GALNTL6: variants seen among roughly 807,000 people sequenced by gnomAD.
The protein encoded by GALNTL6 is polypeptide N-acetylgalactosaminyltransferase like 6.
A neutral mutation model predicts 73.7 loss-of-function variants in GALNTL6; 46 were observed. The observed-to-expected ratio is 0.62, with a 90% CI of 0.49 to 0.80. The LOEUF (loss-of-function observed/expected upper bound fraction) is 0.80. Among genes scored for constraint, GALNTL6 ranks in the 30% least tolerant of loss-of-function variants. The probability of loss-of-function intolerance (pLI) is 0.00; values close to 1 mark genes in which losing one functional copy is unlikely to be tolerated. For synonymous variants in GALNTL6, 259 were observed against 263.7 expected (o/e 0.98, Z 0.17); for missense variants, 604 against 755.0 (o/e 0.80, Z 2.34).
At chr4:172,164,550 A>G (rs772831906) in intron 2 of GALNTL6, among the ~76,000 whole-genome samples, 7 of 152,036 alleles carry the variant, frequency 4.6e-5, no homozygotes, top group Admixed American at 1.3e-4. Flanking sequence ...CAAGTTTACT[A>G]TCAAAAGCTA....
intron 2 of GALNTL6, among the ~76,000 whole-genome samples, chr4:172,081,911 C>T (rs1357406719): frequency 1.3e-5 from 2 of 148,718 alleles, no homozygotes; most frequent in Non-Finnish European, 3.0e-5. Context: ...GAGTCTCGCT[C>T]TGTCACTGAG....
intron 2 of GALNTL6, among the ~76,000 whole-genome samples, chr4:172,019,982 A>G (rs900946944): frequency 1.3e-5 from 2 of 152,146 alleles, no homozygotes; most frequent in Non-Finnish European, 2.9e-5. Context: ...TCTGATCATA[A>G]TGTAATAAAA....
intron 4 of GALNTL6, among the ~76,000 whole-genome samples, chr4:172,346,726 C>T (rs333403): frequency 0.11 from 16,087 of 152,132 alleles, 859 homozygotes; most frequent in East Asian, 0.18. Context: ...TGGCCTATAT[C>T]AAACCTTCAG....
intron 5 of GALNTL6, among the ~76,000 whole-genome samples, chr4:172,780,179 A>C (rs1303738011): frequency 6.6e-6 from 1 of 152,122 alleles, no homozygotes; most frequent in Non-Finnish European, 1.5e-5. Context: ...AGAAACATCA[A>C]ATCTTAAAAA....
intron 10 of GALNTL6, among the ~76,000 whole-genome samples, chr4:172,963,581 G>T (rs960262768): frequency 6.6e-6 from 1 of 152,178 alleles, no homozygotes; most frequent in African/African-American, 2.4e-5. Context: ...AATGAAAGAT[G>T]AATGAATGGG....
chr4:173,006,899 C>T (rs990208816), intron 10 of GALNTL6, among the ~76,000 whole-genome samples: 4 of 152,190 alleles, frequency 2.6e-5, no homozygotes, highest in African/African-American at 9.7e-5. Context: ...TAGGCAAAAC[C>T]AGGTTAAGAA....
intron 5 of GALNTL6, among the ~76,000 whole-genome samples, chr4:172,737,569 G>A (rs1736543711): frequency 6.6e-6 from 1 of 152,040 alleles, no homozygotes; most frequent in Non-Finnish European, 1.5e-5. Context: ...CTGCTGTTTT[G>A]AATTCTTGAT....
At chr4:172,263,620 A>T (rs1222543415) in intron 3 of GALNTL6, among the ~76,000 whole-genome samples, 2 of 151,480 alleles carry the variant, frequency 1.3e-5, no homozygotes, top group African/African-American at 2.4e-5. Flanking sequence ...TTTGATGAGA[A>T]TTTCTAATTC....
chr4:172,846,470 T>C (rs1743512962), intron 7 of GALNTL6, among the ~76,000 whole-genome samples: 1 of 152,182 alleles, frequency 6.6e-6, no homozygotes, highest in Non-Finnish European at 1.5e-5. Flanking sequence ...TTGAATACTT[T>C]CCAAGATAAA....
chr4:173,015,560 G>T (rs1752747252), intron 11 of GALNTL6, among the ~76,000 whole-genome samples: 1 of 152,168 alleles, frequency 6.6e-6, no homozygotes, highest in Non-Finnish European at 1.5e-5. Context: ...TGGAGTAAAA[G>T]TCACTCTTGT....
At chr4:172,678,203 G>T (rs1398683289) in intron 5 of GALNTL6, among the ~76,000 whole-genome samples, 1 of 152,202 alleles carries the variant, frequency 6.6e-6, no homozygotes, top group Admixed American at 6.5e-5. Context: ...TGTTTTCCAG[G>T]GTAGTCCACC....
At chr4:172,812,249 G>A (rs565053306) in intron 6 of GALNTL6, among the ~76,000 whole-genome samples, 3 of 152,160 alleles carry the variant, frequency 2.0e-5, no homozygotes, top group East Asian at 1.9e-4. Context: ...TGAAGCAAAC[G>A]GACAGTTTCC....
intron 5 of GALNTL6, among the ~76,000 whole-genome samples, chr4:172,389,184 T>G (rs1157903517): frequency 6.6e-6 from 1 of 152,038 alleles, no homozygotes; most frequent in Admixed American, 6.5e-5. Flanking sequence ...AATACATATT[T>G]AAATGTTTTT....
chr4:172,723,120 C>T (rs1406913899), intron 5 of GALNTL6, among the ~76,000 whole-genome samples: 1 of 152,212 alleles, frequency 6.6e-6, no homozygotes, highest in African/African-American at 2.4e-5. Context: ...TCTCCAACCA[C>T]TCTTCCATAG....
intron 5 of GALNTL6, among the ~76,000 whole-genome samples, chr4:172,430,115 A>G (rs1461752573): frequency 3.3e-5 from 5 of 151,922 alleles, no homozygotes; most frequent in Admixed American, 3.3e-4. Flanking sequence ...GTGAAGTGAA[A>G]CGGAGAGAAA....
At chr4:172,154,737 C>T (rs780977546) in intron 2 of GALNTL6, among the ~76,000 whole-genome samples, 9 of 152,184 alleles carry the variant, frequency 5.9e-5, no homozygotes, top group Non-Finnish European at 8.8e-5. Flanking sequence ...TACCATTCTC[C>T]AGGCACATAC....
intron 2 of GALNTL6, among the ~76,000 whole-genome samples, chr4:172,042,864 TAAAAAAAAAA>T (rs397996272): frequency 0.055 from 2,427 of 44,488 alleles, 91 homozygotes; most frequent in East Asian, 0.23. Flanking sequence ...TCTTTAACAG[TAAAAAAAAAA>T]AAAAAAAAAA....
intron 4 of GALNTL6, among the ~76,000 whole-genome samples, chr4:172,335,073 C>T (rs1419298686): frequency 2.6e-5 from 4 of 151,852 alleles, no homozygotes; most frequent in African/African-American, 9.7e-5. Context: ...CTCCGCCTCC[C>T]AGGTTCACAC....
At chr4:171,832,114 TC>T (rs1734991402) in intron 2 of GALNTL6, among the ~76,000 whole-genome samples, 1 of 151,498 alleles carries the variant, frequency 6.6e-6, no homozygotes, top group South Asian at 2.1e-4. Flanking sequence ...TATGATATTT[TC>T]CATGGAAATT....
Sources: allele counts gnomAD v4.1 joint callset (sites outside exome capture counted in the v4.1 genomes callset), GRCh38; gene constraint gnomAD v4.1.1; transcripts MANE v1.5; gene names NCBI Gene and HGNC (gene_info 2026-07-23, HGNC 2026-07-21).